FREM3: variants seen among roughly 807,000 people sequenced by gnomAD.
FREM3 encodes the protein FRAS1 related extracellular matrix 3, also known as FRAS1-related extracellular matrix protein 3.
FREM3 carries 105 observed loss-of-function variants against 129.1 expected under a neutral mutation model. The ratio of observed to expected loss-of-function variants is 0.81; its 90% CI spans 0.69 to 0.96. The LOEUF is 0.96. FREM3 is among the 40% of genes least tolerant of loss of function. The probability of loss-of-function intolerance (pLI) is 0.00; values close to 1 mark genes in which losing one functional copy is unlikely to be tolerated. For missense variants in FREM3, 2,593 were observed against 2,666.3 expected (o/e 0.97, Z 0.61); for synonymous variants, 1,014 against 1,044.9 (o/e 0.97, Z 0.57).
intron 1 of FREM3, among the ~76,000 whole-genome samples, chr4:143,694,312 A>T (rs972966764): frequency 2.6e-5 from 4 of 152,320 alleles, no homozygotes; most frequent in South Asian, 2.1e-4. Flanking sequence ...GCACAAGTAT[A>T]GAGCTTGACA....
intron 6 of FREM3, among the ~76,000 whole-genome samples, chr4:143,594,827 C>T (rs891578174): frequency 8.5e-5 from 13 of 152,168 alleles, no homozygotes; most frequent in Admixed American, 2.6e-4. Flanking sequence ...AAAACAGCTC[C>T]TCCATGTAGC....
intron 2 of FREM3, among the ~76,000 whole-genome samples, chr4:143,657,700 G>T (rs1739626353): frequency 6.6e-6 from 1 of 151,998 alleles, no homozygotes; most frequent in South Asian, 2.1e-4. Context: ...TATAAGCCAG[G>T]CAGGAATTAG....
At chr4:143,609,142 A>G (rs1738714178) in intron 6 of FREM3, among the ~76,000 whole-genome samples, 1 of 152,200 alleles carries the variant, frequency 6.6e-6, no homozygotes, top group African/African-American at 2.4e-5. Flanking sequence ...AAGGTTACCC[A>G]GAGAGAGTGT....
At chr4:143,612,063 G>T (rs923766608) in intron 5 of FREM3, among the ~76,000 whole-genome samples, 8 of 152,076 alleles carry the variant, frequency 5.3e-5, no homozygotes, top group Admixed American at 4.6e-4. Flanking sequence ...AGAGGATTTC[G>T]GTTTAGATTC....
intron 6 of FREM3, among the ~76,000 whole-genome samples, chr4:143,607,371 T>C (rs1289014473): frequency 1.3e-5 from 2 of 152,132 alleles, no homozygotes; most frequent in Non-Finnish European, 2.9e-5. Context: ...TTTTTAATAG[T>C]ACTTTTTTTC....
intron 7 of FREM3, among the ~76,000 whole-genome samples, chr4:143,583,991 C>T (rs1436938751): frequency 2.6e-5 from 4 of 152,144 alleles, no homozygotes; most frequent in Non-Finnish European, 2.9e-5. Flanking sequence ...GGCTAAATGA[C>T]CCAATTAAAA....
At chr4:143,692,364 T>G (rs1740488193) in intron 2 of FREM3, among the ~76,000 whole-genome samples, 1 of 152,136 alleles carries the variant, frequency 6.6e-6, no homozygotes, top group Non-Finnish European at 1.5e-5. Context: ...TTACACATGA[T>G]TTAGGCAGAA....
chr4:143,618,623 G>A (rs1289308673), intron 5 of FREM3, among the ~76,000 whole-genome samples: 1 of 152,142 alleles, frequency 6.6e-6, no homozygotes, highest in African/African-American at 2.4e-5. Context: ...GCCAAGTATG[G>A]TGGCACACAC....
chr4:143,614,751 A>G (rs937536183), intron 5 of FREM3, among the ~76,000 whole-genome samples: 3 of 152,254 alleles, frequency 2.0e-5, no homozygotes, highest in African/African-American at 7.2e-5. Context: ...CAAACAAGGC[A>G]CGCGAAAGCT....
In FREM3 at chr4:143,662,075, G is replaced by A. The variant is rs1256929046; in HGVS notation, c.5275+31038C>T. Among the ~76,000 whole-genome samples, 10 of 151,700 alleles carry A rather than the reference G, an allele frequency of 6.6e-5. 1 individual carries two copies. In the East Asian group the frequency reaches 1.6e-3, roughly 24 times the overall value. On this transcript the variant is annotated intron_variant, in intron 2 of 7. Transcript: ENST00000329798. ...TCATTGATTTTTTGAAGGGTTTTTT[G>A]TGTCTCTATTTCCTTCAGTTCTGCT...
At chr4:143,639,983 C>A (rs1739296056) in intron 2 of FREM3, among the ~76,000 whole-genome samples, 1 of 152,126 alleles carries the variant, frequency 6.6e-6, no homozygotes, top group South Asian at 2.1e-4. Context: ...CGTCTCCTAC[C>A]TCTCTTACTG....
Position 143,693,210 on chromosome 4 carries a change from A to T in FREM3, c.5186-8T>A, listed in dbSNP as rs779141970. The T allele has an allele frequency of 4.8e-6, 7 of 1,456,858 alleles. No individual in the cohort carries two copies. In the South Asian group the frequency reaches 5.4e-5, roughly 11 times the overall value. The allele number at this position is 1,456,858 out of a possible 1,614,324, so 90.2% of individuals were successfully genotyped here. A position where few individuals can be genotyped will look rare whatever the true frequency, so the allele number is the denominator to read the frequency against. ...TCATCTCATCAATGTCAGCTAAAAA[A>T]AAAGCAACCATCACACAAAGTCATA... On this transcript the variant is annotated splice_polypyrimidine_tract_variant and splice_region_variant and intron_variant, in intron 1 of 7. Coordinates refer to ENST00000329798, the MANE Select transcript of FREM3 (RefSeq NM_001168235.2).
intron 7 of FREM3, among the ~76,000 whole-genome samples, chr4:143,578,758 G>T (rs1321501384): frequency 6.6e-6 from 1 of 152,184 alleles, no homozygotes; most frequent in Non-Finnish European, 1.5e-5. Context: ...ATTCTATATA[G>T]TATAATAACT....
At chr4:143,654,464 C>T (rs556159491) in intron 2 of FREM3, among the ~76,000 whole-genome samples, 45 of 152,194 alleles carry the variant, frequency 3.0e-4, no homozygotes, top group South Asian at 1.2e-3. Context: ...TAATAAAAGA[C>T]GTTATTGAAA....
chr4:143,634,006 T>TA (rs1047525263), intron 2 of FREM3, among the ~76,000 whole-genome samples: 142 of 151,940 alleles, frequency 9.3e-4, no homozygotes, highest in African/African-American at 3.4e-3. Context: ...ATGGGGACTG[T>TA]AAAAAAAATG....
intron 6 of FREM3, among the ~76,000 whole-genome samples, chr4:143,603,330 A>G (rs556239500): frequency 5.3e-5 from 8 of 152,296 alleles, no homozygotes; most frequent in African/African-American, 1.9e-4. Context: ...GAGATTGTGT[A>G]ATGTACATAA....
chr4:143,698,141 A>G lies in FREM3; in HGVS notation c.2535T>C (p.Phe845=). 2.0e-6 allele frequency: 3 copies of G among 1,537,506 alleles called. No individual in the cohort carries two copies. Among genetic ancestry groups the G allele is most frequent in the Non-Finnish European group, 1.7e-6 (2 of 1,146,968 alleles). Residue 845 remains phenylalanine (F), a synonymous_variant, in exon 1 of 8, where the codon TTT becomes TTC. Coordinates refer to ENST00000329798, the MANE Select transcript of FREM3 (RefSeq NM_001168235.2). ...RGFAILEGGS[F]NLSSNELHVT... ...CATGCAGCTCATTACTGCTGAGGTT[A>G]AAGCTGCCTCCCTCTAAGATAGCAA...
chr4:143,656,664 G>A (rs1278829739), intron 2 of FREM3, among the ~76,000 whole-genome samples: 2 of 152,100 alleles, frequency 1.3e-5, no homozygotes, highest in African/African-American at 4.8e-5. Context: ...TAGGGAGAGG[G>A]GTGGCGGAAA....
chr4:143,675,767 A>C (rs1159509010), intron 2 of FREM3, among the ~76,000 whole-genome samples: 2 of 152,246 alleles, frequency 1.3e-5, no homozygotes, highest in African/African-American at 4.8e-5. Context: ...AAACACCTCT[A>C]TGCAAATAAA....
Sources: allele counts gnomAD v4.1 joint callset (sites outside exome capture counted in the v4.1 genomes callset), GRCh38; gene constraint gnomAD v4.1.1; transcripts MANE v1.5; gene names NCBI Gene and HGNC (gene_info 2026-07-23, HGNC 2026-07-21).